The following CFAP46 variants were observed in gnomAD, a reference collection of about 807,000 sequenced individuals.
CFAP46 encodes the protein cilia- and flagella-associated protein 46.
CFAP46 carries 245 observed loss-of-function variants against 325.7 expected under a neutral mutation model. That is an observed-to-expected ratio of 0.75 (90% confidence interval 0.68 to 0.84). The LOEUF is 0.84. Among genes scored for constraint, CFAP46 ranks in the 40% least tolerant of loss-of-function variants. The pLI, the probability that CFAP46 is intolerant of heterozygous loss-of-function variation, is 0.00. For missense variants in CFAP46, 3,346 were observed against 3,543.0 expected (o/e 0.94, Z 1.41); for synonymous variants, 1,523 against 1,495.9 (o/e 1.02, Z -0.42).
Position 132,832,475 on chromosome 10 carries a change from G to A in CFAP46, c.7117+883C>T, listed in dbSNP as rs558490491. On this transcript the variant is annotated intron_variant, in intron 50 of 57. Coordinates refer to ENST00000368586, the MANE Select transcript of CFAP46 (RefSeq NM_001200049.3). The surrounding 1 kb of genome is among the most constrained non-coding windows in gnomAD (Gnocchi z 4.1). Reference sequence around the variant, plus strand: ...GGCGCTCGCCAGCCAAACCCCCTTCGAGGCCCCCCGTCCTGCGCGGACTGC... The same window carrying A: ...GGCGCTCGCCAGCCAAACCCCCTTCAAGGCCCCCCGTCCTGCGCGGACTGC... 1.2e-4 allele frequency: 21 copies of A among 176,048 alleles called. No homozygotes were observed. Among genetic ancestry groups the A allele is most frequent in the Non-Finnish European group, 1.8e-4 (15 of 84,270 alleles). 10.9% of individuals were successfully genotyped at this position (176,048 alleles called of 1,614,324 possible).
chr10:132,924,125 C>T (rs549770384), intron 11 of CFAP46, among the ~76,000 whole-genome samples: 2 of 152,226 alleles, frequency 1.3e-5, no homozygotes, highest in East Asian at 1.9e-4. Flanking sequence ...GGCCCAGGCT[C>T]TGCAACAGCT....
chr10:132,821,347 TGATGTGTGC>T (rs1847818221), intron 50 of CFAP46, among the ~76,000 whole-genome samples: 1 of 135,488 alleles, frequency 7.4e-6, no homozygotes, highest in Non-Finnish European at 1.5e-5. Flanking sequence ...TGCTGTGTGC[TGATGTGTGC>T]TGTGTGTGCT....
chr10:132,823,760 GTGTGTGC>G (rs369877950), intron 50 of CFAP46, among the ~76,000 whole-genome samples: 6,020 of 77,550 alleles, frequency 0.078, no homozygotes, highest in African/African-American at 0.095. Flanking sequence ...TGTGTGCTGT[GTGTGTGC>G]TGTGTGCTGT....
rs1849686047 is a variant in CFAP46, at chr10:132,919,337, C to T, written c.1836G>A (p.Val612=). The change falls in exon 15 of 58, where the codon GTG becomes GTA. Residue 612 remains valine (V), a synonymous_variant. Coordinates refer to ENST00000368586, the MANE Select transcript of CFAP46 (RefSeq NM_001200049.3). The surrounding 1 kb of genome is among the most constrained non-coding windows in gnomAD (Gnocchi z 9.7). Reference sequence around the variant, plus strand: ...AACCTCGCCGCAGCCTCAACTTCTTCACCTTGACGTTGTCATACAGGAGGC... The same window carrying T: ...AACCTCGCCGCAGCCTCAACTTCTTTACCTTGACGTTGTCATACAGGAGGC... The part of the protein sequence containing the change: ...RFCLLYDNVK[V]KKLRLRRGKK... The T allele has an allele frequency of 7.7e-6, 12 of 1,550,026 alleles. No homozygotes were observed. Among genetic ancestry groups the T allele is most frequent in the Non-Finnish European group, 1.0e-5 (12 of 1,146,872 alleles).
chr10:132,834,081 C>G lies in CFAP46; in HGVS notation c.6909G>C (p.Lys2303Asn), dbSNP rs141953914. ...ACGTTTTCCTCTCCTTGTCTTTGCCCTTCGACTTCCCTGAATCGGCAACAA... is the reference window on the plus strand; with the variant it reads ...ACGTTTTCCTCTCCTTGTCTTTGCCGTTCGACTTCCCTGAATCGGCAACAA... Reference protein sequence around the residue: ...PAVVADSGKSKGKDKERKTST... With the variant: ...PAVVADSGKSNGKDKERKTST... The change falls in exon 49 of 58, where the codon AAG (lysine) becomes AAC (asparagine). Residue 2303 changes from lysine to asparagine, a missense_variant. Physicochemically the swap from Lys to Asn is moderately conservative, Grantham distance 94. Coordinates refer to ENST00000368586, the MANE Select transcript of CFAP46 (RefSeq NM_001200049.3). The G allele has an allele frequency of 5.0e-6, 8 of 1,614,126 alleles. 1 individual carries two copies. Among genetic ancestry groups the G allele is most frequent in the Non-Finnish European group, 4.2e-6 (5 of 1,179,992 alleles).
In CFAP46 at chr10:132,915,278, C is replaced by T. The variant is rs140927589; in HGVS notation, c.2120+1271G>A. Reference sequence around the variant, plus strand: ...CTCTGCCCAGCCTTGGGCCTGGGTCCTGGAAAGGCATCTGGAGCCCCTGCC... The same window carrying T: ...CTCTGCCCAGCCTTGGGCCTGGGTCTTGGAAAGGCATCTGGAGCCCCTGCC... On this transcript the variant is annotated intron_variant, in intron 17 of 57. Transcript: ENST00000368586. Among the ~76,000 whole-genome samples the T allele has an allele frequency of 6.0e-3, 907 of 152,390 alleles. 10 individuals are homozygous for T. Among genetic ancestry groups the T allele is most frequent in the African/African-American group, 0.021 (861 of 41,598 alleles).
At chr10:132,918,339 C>A in intron 16 of CFAP46, 54 bp downstream of exon 16, 1 of 1,325,702 alleles carries the variant, frequency 7.5e-7, no homozygotes, top group Non-Finnish European at 1.0e-6. Flanking sequence ...ACCGATGAAC[C>A]CCCCTCTCCA....
rs1056736272 is a variant in CFAP46 at position 132,939,095 on chromosome 10, A to G, written c.372-342T>C. ...GATCGGCCCCCTCCCATGAAAATACACCACTGGGCAAGGCCTCCTCTGACT... is the reference window on the plus strand; with the variant it reads ...GATCGGCCCCCTCCCATGAAAATACGCCACTGGGCAAGGCCTCCTCTGACT... On this transcript the variant is annotated intron_variant, in intron 4 of 57. Coordinates refer to ENST00000368586, the MANE Select transcript of CFAP46 (RefSeq NM_001200049.3). The surrounding 1 kb of genome is among the most constrained non-coding windows in gnomAD (Gnocchi z 4.6). 1.2e-4 allele frequency among the ~76,000 whole-genome samples: 19 copies of G among 152,262 alleles called. No individual in the cohort carries two copies. Among genetic ancestry groups the G allele is most frequent in the African/African-American group, 4.6e-4 (19 of 41,562 alleles).
chr10:132,888,860 C>T (rs1268018328), intron 25 of CFAP46, among the ~76,000 whole-genome samples: 2 of 132,840 alleles, frequency 1.5e-5, no homozygotes, highest in African/African-American at 3.0e-5. Flanking sequence ...CTGCACCTGC[C>T]ACCTTCACCC....
At chr10:132,906,389 C>T (rs1281330672) in intron 22 of CFAP46, among the ~76,000 whole-genome samples, 1 of 152,274 alleles carries the variant, frequency 6.6e-6, no homozygotes, top group Non-Finnish European at 1.5e-5. Flanking sequence ...TCTGCCTGCC[C>T]ATTTCCTGCT....
chr10:132,911,237 G>A (rs1342117808), intron 19 of CFAP46, among the ~76,000 whole-genome samples: 1 of 152,206 alleles, frequency 6.6e-6, no homozygotes, highest in Non-Finnish European at 1.5e-5. Context: ...CGGTGTTCCT[G>A]GCCGGCCCAC....
chr10:132,851,899 G>T (rs1246683169), intron 39 of CFAP46, among the ~76,000 whole-genome samples: 2 of 149,336 alleles, frequency 1.3e-5, no homozygotes, highest in Non-Finnish European at 3.0e-5. Context: ...CACAGACGTG[G>T]TATGTTCCTC....
intron 44 of CFAP46, among the ~76,000 whole-genome samples, chr10:132,840,444 T>G (rs1236935357): frequency 6.6e-6 from 1 of 152,224 alleles, no homozygotes; most frequent in Non-Finnish European, 1.5e-5. Context: ...CTGTTTCTGA[T>G]GTTGTATTGA....
At position 132,896,051 on chromosome 10, in the gene CFAP46, C is replaced by G. The variant is rs35271352; in HGVS notation, c.3219+2908G>C. Among the ~76,000 whole-genome samples the G allele has an allele frequency of 2.2e-3, 250 of 111,252 alleles. 1 individual carries two copies. Among genetic ancestry groups the G allele is most frequent in the Non-Finnish European group, 2.7e-3 (138 of 51,538 alleles). The allele number at this position is 111,252 out of a possible 152,430, so 73.0% of individuals were successfully genotyped here. ...GACACGGTGAGAAGGCAGCCAGGCT[C>G]TGTGTGCCACATGAAGACATGGTGA... is the stretch of plus-strand genomic sequence containing the variant. On this transcript the variant is annotated intron_variant, in intron 24 of 57. Coordinates refer to ENST00000368586, the MANE Select transcript of CFAP46 (RefSeq NM_001200049.3).
chr10:132,824,053 G>GA (rs1442458989), intron 50 of CFAP46, among the ~76,000 whole-genome samples: 4 of 131,214 alleles, frequency 3.0e-5, no homozygotes, highest in African/African-American at 9.0e-5. Context: ...GATGTGTGCT[G>GA]TGTGTGCTGA....
intron 22 of CFAP46, chr10:132,908,226 T>C: frequency 3.7e-6 from 2 of 547,540 alleles, no homozygotes; most frequent in East Asian, 6.4e-5. Flanking sequence ...GGAGACCTGG[T>C]GGAGTGCTCA....
chr10:132,810,957 G>A lies in CFAP46; in HGVS notation c.7576C>T (p.His2526Tyr), dbSNP rs748957157. The change falls in exon 56 of 58, where the codon CAC becomes TAC. Residue 2526 changes from histidine (H) to tyrosine (Y), a missense_variant. His to Tyr is a moderately conservative substitution (Grantham distance 83). Coordinates refer to ENST00000368586, the MANE Select transcript of CFAP46 (RefSeq NM_001200049.3). ...TTCCAGGCAGCCAGGCACCTCCTGT[G>A]CTCCACGCTCTCCATGTGCCTCTTC... is the stretch of plus-strand genomic sequence containing the variant. ...SLKRHMESVE[H>Y]RRSVGRWEAN... is the part of the protein sequence containing the mutation. 4.4e-5 allele frequency: 71 copies of A among 1,599,494 alleles called. No homozygotes were observed. In the East Asian group the frequency reaches 1.6e-3, roughly 35 times the overall value.
chr10:132,891,170 A>G (rs1849248622), intron 25 of CFAP46, among the ~76,000 whole-genome samples: 2 of 152,178 alleles, frequency 1.3e-5, no homozygotes, highest in African/African-American at 4.8e-5. Flanking sequence ...GACCAGGGGG[A>G]CAGTGCCCAC....
At position 132,899,121 on chromosome 10, in the gene CFAP46, C is replaced by A. The variant is rs1312631389; in HGVS notation, c.3057G>T (p.Arg1019Ser). ...CGCTGCTGCCCGCGATGCCTCCGAA[C>A]CTAAAAGAGGGCAGGTCATGACGCG... ...VAAKAFTESARFGGIAGSSAL... is the reference protein window; with the variant it reads ...VAAKAFTESASFGGIAGSSAL... The change falls in exon 24 of 58, where the codon AGG (arginine) becomes AGT (serine). Residue 1019 changes from arginine (R) to serine (S), a missense_variant and splice_region_variant. Transcript: ENST00000368586. 1.3e-6 allele frequency: 2 copies of A among 1,548,480 alleles called. No homozygotes were observed. Among genetic ancestry groups the A allele is most frequent in the Non-Finnish European group, 8.7e-7 (1 of 1,146,356 alleles).
Sources: allele counts gnomAD v4.1 joint callset (sites outside exome capture counted in the v4.1 genomes callset), GRCh38; gene constraint gnomAD v4.1.1; non-coding constraint Gnocchi (gnomAD v3.1); transcripts MANE v1.5; gene names NCBI Gene and HGNC (gene_info 2026-07-23, HGNC 2026-07-21).